Variants in SHISA9 observed in about 807,000 individuals in gnomAD.
SHISA9 encodes protein shisa-9.
SHISA9 carries 13 observed loss-of-function variants against 38.0 expected under a neutral mutation model. That is an observed-to-expected ratio of 0.34 (90% confidence interval 0.22 to 0.54). SHISA9 has a LOEUF of 0.54. SHISA9 is among the 20% of genes least tolerant of loss of function. The probability of loss-of-function intolerance (pLI) is 0.91; values close to 1 mark genes in which losing one functional copy is unlikely to be tolerated. For synonymous variants in SHISA9, 275 were observed against 242.0 expected, an observed-to-expected ratio of 1.14 and a Z score of -1.27; for missense variants, 538 against 575.8, an observed-to-expected ratio of 0.93 and a Z score of 0.67.
At chr16:13,313,709 AC>A in the SHISA9 span, among the ~76,000 whole-genome samples, 1 of 152,260 alleles carries the variant, frequency 6.6e-6, no homozygotes, top group Non-Finnish European at 1.5e-5. Flanking sequence ...AATTGTATAC[AC>A]AGAACTTTAG....
chr16:13,188,831 G>C (rs1050271769), intron 2 of SHISA9, among the ~76,000 whole-genome samples: 2 of 150,188 alleles, frequency 1.3e-5, no homozygotes, highest in African/African-American at 4.9e-5. Context: ...ATATTATATT[G>C]AAGTCCTATC....
At chr16:13,255,343 A>G in the SHISA9 span, among the ~76,000 whole-genome samples, 1 of 151,956 alleles carries the variant, frequency 6.6e-6, no homozygotes, top group Non-Finnish European at 1.5e-5. Context: ...CCTTTCTCTG[A>G]AACACATTCT....
chr16:13,530,076 A>C, the SHISA9 span, among the ~76,000 whole-genome samples: 1 of 152,202 alleles, frequency 6.6e-6, no homozygotes, highest in Admixed American at 6.5e-5. Context: ...AGGTGGGTGG[A>C]CCACTTGAGG....
At chr16:13,233,976 C>T (rs1348229280) in intron 4 of SHISA9, among the ~76,000 whole-genome samples, 1 of 152,070 alleles carries the variant, frequency 6.6e-6, no homozygotes, top group Non-Finnish European at 1.5e-5. Flanking sequence ...GCACTCCAGC[C>T]TGGGCAGCAG....
chr16:12,910,880 G>A (rs1431740482), intron 1 of SHISA9: 1 of 334,322 alleles, frequency 3.0e-6, no homozygotes, highest in Non-Finnish European at 4.3e-6. Flanking sequence ...GCAAAGGTCA[G>A]TGTTTTGTTC....
At chr16:13,532,533 GA>G in the SHISA9 span, among the ~76,000 whole-genome samples, 1 of 146,252 alleles carries the variant, frequency 6.8e-6, no homozygotes. Flanking sequence ...CAGTATGATG[GA>G]ATAATACTAT....
At chr16:12,939,130 C>T (rs1188568206) in intron 2 of SHISA9, among the ~76,000 whole-genome samples, 1 of 152,054 alleles carries the variant, frequency 6.6e-6, no homozygotes, top group East Asian at 1.9e-4. Context: ...GTCACCCAGG[C>T]TGGAGTGCAG....
intron 2 of SHISA9, among the ~76,000 whole-genome samples, chr16:13,172,106 G>A (rs1160921206): frequency 2.6e-5 from 4 of 151,508 alleles, no homozygotes; most frequent in Non-Finnish European, 5.9e-5. Flanking sequence ...TTTATAAAAT[G>A]AGCTAACTGA....
At chr16:13,039,779 A>G (rs1362334817) in intron 2 of SHISA9, among the ~76,000 whole-genome samples, 1 of 152,200 alleles carries the variant, frequency 6.6e-6, no homozygotes, top group African/African-American at 2.4e-5. Context: ...CCATCTAAAG[A>G]AAACAGAAAG....
At chr16:13,099,522 CCTTGA>C (rs1306596304) in intron 2 of SHISA9, among the ~76,000 whole-genome samples, 1 of 151,990 alleles carries the variant, frequency 6.6e-6, no homozygotes, top group African/African-American at 2.4e-5. Flanking sequence ...GCCATTTCAG[CCTTGA>C]CTTGATGGGG....
At chr16:12,902,656 C>T (rs1439028680) in intron 1 of SHISA9, 29 bp downstream of exon 1, 5 of 1,511,412 alleles carry the variant, frequency 3.3e-6, no homozygotes, top group Non-Finnish European at 3.5e-6. Context: ...GCCCTCCCCT[C>T]GGGGCTTCGC....
At chr16:13,139,613 TGGCATG>T (rs2050382044) in intron 2 of SHISA9, among the ~76,000 whole-genome samples, 1 of 151,952 alleles carries the variant, frequency 6.6e-6, no homozygotes, top group Non-Finnish European at 1.5e-5. Context: ...GAAGTGTGCA[TGGCATG>T]GTCTGTAGCA....
chr16:13,008,300 G>A (rs1422830959), intron 2 of SHISA9, among the ~76,000 whole-genome samples: 13 of 152,128 alleles, frequency 8.5e-5, no homozygotes. Flanking sequence ...ACTCTTCCCC[G>A]ACATCACATC....
intron 2 of SHISA9, among the ~76,000 whole-genome samples, chr16:13,189,865 C>T (rs1227190419): frequency 1.3e-5 from 2 of 152,128 alleles, no homozygotes; most frequent in African/African-American, 4.8e-5. Flanking sequence ...CACTATGTGG[C>T]TGGTAAAACA....
intron 1 of SHISA9, among the ~76,000 whole-genome samples, chr16:12,905,468 A>T (rs1465480522): frequency 6.6e-6 from 1 of 152,066 alleles, no homozygotes; most frequent in Non-Finnish European, 1.5e-5. Flanking sequence ...AATGGCTTTG[A>T]GATAAAGTGG....
At chr16:13,025,008 A>G (rs2134036) in intron 2 of SHISA9, among the ~76,000 whole-genome samples, 1 of 152,144 alleles carries the variant, frequency 6.6e-6, no homozygotes, top group African/African-American at 2.4e-5. Context: ...AATTACCTGG[A>G]CATTGATACC....
At chr16:12,938,575 G>A (rs1194934045) in intron 2 of SHISA9, among the ~76,000 whole-genome samples, 3 of 151,850 alleles carry the variant, frequency 2.0e-5, no homozygotes, top group Admixed American at 6.6e-5. Context: ...TTGGCTTCCT[G>A]CAACCTTTGC....
chr16:13,270,701 G>A, the SHISA9 span, among the ~76,000 whole-genome samples: 3 of 152,120 alleles, frequency 2.0e-5, no homozygotes, highest in Non-Finnish European at 4.4e-5. Flanking sequence ...TGAAAATAAG[G>A]ATAATTATAC....
At chr16:12,943,803 A>G (rs1249585589) in intron 2 of SHISA9, among the ~76,000 whole-genome samples, 1 of 152,156 alleles carries the variant, frequency 6.6e-6, no homozygotes, top group Non-Finnish European at 1.5e-5. Flanking sequence ...TCTAATATAG[A>G]TCCTATTTTA....
Sources: gnomAD v4.1 joint callset for allele counts (sites outside exome capture counted in the v4.1 genomes callset) on GRCh38, gnomAD v4.1.1 for gene constraint, MANE v1.5 for transcripts, NCBI Gene and HGNC (gene_info 2026-07-23, HGNC 2026-07-21) for gene names.